The following DOK6 variants were observed in gnomAD, a reference collection of about 807,000 sequenced individuals.
DOK6 encodes docking protein 6, also known as downstream of tyrosine kinase 6.
In DOK6, 22 loss-of-function variants were observed where a neutral mutation model predicts 44.0. The ratio of observed to expected loss-of-function variants is 0.50; its 90% CI spans 0.36 to 0.71. The LOEUF is 0.71. Ranked by LOEUF, DOK6 falls within the 30% of genes least tolerant of loss-of-function variation. The pLI is 0.00. For synonymous variants in DOK6, 166 were observed against 145.5 expected (o/e 1.14, Z -1.01); for missense variants, 340 against 416.4 (o/e 0.82, Z 1.60).
At chr18:69,605,613 A>G (rs1983976489) in intron 3 of DOK6, among the ~76,000 whole-genome samples, 1 of 152,208 alleles carries the variant, frequency 6.6e-6, no homozygotes, top group South Asian at 2.1e-4. Context: ...TATTCAGGAA[A>G]TAATCCCACT....
chr18:69,794,893 GATCT>G (rs1320665420), intron 7 of DOK6, among the ~76,000 whole-genome samples: 1 of 152,130 alleles, frequency 6.6e-6, no homozygotes, highest in Non-Finnish European at 1.5e-5. Context: ...AATGCCTGAT[GATCT>G]GTCACTGTCT....
At chr18:69,788,367 G>A (rs1041973924) in intron 7 of DOK6, among the ~76,000 whole-genome samples, 2 of 152,124 alleles carry the variant, frequency 1.3e-5, no homozygotes, top group East Asian at 1.9e-4. Context: ...TCACAAACAC[G>A]GAGGGATGAC....
intron 1 of DOK6, among the ~76,000 whole-genome samples, chr18:69,465,182 C>T (rs1979889833): frequency 6.6e-6 from 1 of 151,886 alleles, no homozygotes; most frequent in African/African-American, 2.4e-5. Context: ...ATTGAAGGAG[C>T]TTTAGTTTTC....
chr18:69,512,207 A>T (rs1981385868), intron 1 of DOK6, among the ~76,000 whole-genome samples: 1 of 151,604 alleles, frequency 6.6e-6, no homozygotes. Context: ...TCTCTTACAA[A>T]AAAAGGGCAA....
intron 3 of DOK6, among the ~76,000 whole-genome samples, chr18:69,654,955 G>A (rs1985323694): frequency 6.6e-6 from 1 of 152,176 alleles, no homozygotes; most frequent in Non-Finnish European, 1.5e-5. Flanking sequence ...CTACTCTGGA[G>A]GCTGAGGCAG....
intron 1 of DOK6, among the ~76,000 whole-genome samples, chr18:69,513,388 A>C (rs1981427885): frequency 6.6e-6 from 1 of 152,198 alleles, no homozygotes; most frequent in African/African-American, 2.4e-5. Flanking sequence ...TCACGCACAC[A>C]CGCACACTCT....
chr18:69,812,352 A>C (rs940367747), intron 7 of DOK6, among the ~76,000 whole-genome samples: 1 of 151,992 alleles, frequency 6.6e-6, no homozygotes, highest in African/African-American at 2.4e-5. Context: ...ACCATCCAAC[A>C]CCCTTTTCTG....
intron 1 of DOK6, among the ~76,000 whole-genome samples, chr18:69,458,570 G>A (rs747298072): frequency 1.9e-4 from 29 of 152,056 alleles, no homozygotes; most frequent in Non-Finnish European, 3.8e-4. Flanking sequence ...AGGAATAAAA[G>A]GAATCCAAAT....
chr18:69,480,973 C>A (rs533712974), intron 1 of DOK6, among the ~76,000 whole-genome samples: 1 of 152,218 alleles, frequency 6.6e-6, no homozygotes, highest in South Asian at 2.1e-4. Flanking sequence ...TATCTACCTC[C>A]AAAGTGAGAG....
intron 1 of DOK6, among the ~76,000 whole-genome samples, chr18:69,507,247 T>C (rs1478936564): frequency 1.3e-5 from 2 of 152,122 alleles, no homozygotes; most frequent in African/African-American, 2.4e-5. Flanking sequence ...CAGAATGGTC[T>C]TGATCTCCTG....
chr18:69,793,381 TA>T lies in DOK6; in HGVS notation c.856+35511del, dbSNP rs1980654811. Reference sequence around the variant, plus strand: ...TTGTGTCCAACTGATGATCCAAACATAAAGAAAGTGTTGGCTAATGGTGAGA... The same window carrying T: ...TTGTGTCCAACTGATGATCCAAACATAAGAAAGTGTTGGCTAATGGTGAGA... On this transcript the variant is annotated intron_variant, in intron 7 of 7. Transcript: ENST00000382713. Among the ~76,000 whole-genome samples the T allele has an allele frequency of 2.0e-5, 3 of 152,252 alleles. No individual in the cohort carries two copies. The South Asian group carries it at 6.2e-4, about 32-fold the overall frequency.
At chr18:69,752,826 A>T (rs562755094) in intron 6 of DOK6, among the ~76,000 whole-genome samples, 104 of 152,308 alleles carry the variant, frequency 6.8e-4, no homozygotes, top group African/African-American at 2.5e-3. Context: ...CCCTGGTCCC[A>T]CGGGGTCATG....
At chr18:69,443,404 C>T (rs1031708732) in intron 1 of DOK6, among the ~76,000 whole-genome samples, 3 of 152,260 alleles carry the variant, frequency 2.0e-5, no homozygotes, top group Non-Finnish European at 2.9e-5. Context: ...GTGACCTCAG[C>T]AAATTTATCT....
intron 5 of DOK6, among the ~76,000 whole-genome samples, chr18:69,703,225 A>C (rs1188852729): frequency 6.6e-6 from 1 of 152,198 alleles, no homozygotes; most frequent in Non-Finnish European, 1.5e-5. Flanking sequence ...TCCCTGATGC[A>C]AATTTTTTTC....
chr18:69,725,602 C>T (rs35096959), intron 5 of DOK6, among the ~76,000 whole-genome samples: 7,007 of 152,244 alleles, frequency 0.046, 168 homozygotes, highest in African/African-American at 0.057. Context: ...ATTCTCCTGC[C>T]TCAGCCTCCC....
At chr18:69,824,147 A>C (rs902449374) in intron 7 of DOK6, among the ~76,000 whole-genome samples, 11 of 150,634 alleles carry the variant, frequency 7.3e-5, no homozygotes, top group Admixed American at 1.3e-4. Context: ...TGCACCCATT[A>C]ACTCGTCATT....
intron 3 of DOK6, among the ~76,000 whole-genome samples, chr18:69,646,388 T>C (rs1985073907): frequency 6.6e-6 from 1 of 152,216 alleles, no homozygotes; most frequent in Non-Finnish European, 1.5e-5. Context: ...GACATGAGTA[T>C]GATGTTACAG....
intron 7 of DOK6, among the ~76,000 whole-genome samples, chr18:69,780,601 A>G (rs570113286): frequency 6.6e-6 from 1 of 152,366 alleles, no homozygotes; most frequent in South Asian, 2.1e-4. Context: ...CAGAAACCAA[A>G]CAAACAAAAA....
chr18:69,534,777 A>C (rs941970277), intron 1 of DOK6, among the ~76,000 whole-genome samples: 3 of 152,076 alleles, frequency 2.0e-5, no homozygotes, highest in African/African-American at 7.2e-5. Context: ...TTTTATTATA[A>C]GTCTTCATAC....
Sources: allele counts gnomAD v4.1 joint callset (sites outside exome capture counted in the v4.1 genomes callset), GRCh38; gene constraint gnomAD v4.1.1; transcripts MANE v1.5; gene names NCBI Gene and HGNC (gene_info 2026-07-23, HGNC 2026-07-21).